TTPAL: variants seen among roughly 807,000 people sequenced by gnomAD.
TTPAL encodes alpha-tocopherol transfer protein-like.
A neutral mutation model predicts 28.7 loss-of-function variants in TTPAL; 21 were observed. That is an observed-to-expected ratio of 0.73 (90% CI 0.52 to 1.06). TTPAL has a LOEUF of 1.06. TTPAL is among the 50% of genes least tolerant of loss of function. TTPAL has a pLI of 0.00. For missense variants in TTPAL, 345 were observed against 425.5 expected, an observed-to-expected ratio of 0.81 and a Z score of 1.67; for synonymous variants, 169 against 171.9, an observed-to-expected ratio of 0.98 and a Z score of 0.13.
Position 44,489,639 on chromosome 20 carries a change from G to A in TTPAL, c.*98G>A. ...GTCCATGGATTCAGTCTTGCTCCTT[G>A]TAATTAAACTGCAGGATGGAGGAAC... On this transcript the variant is annotated 3_prime_UTR_variant, in exon 5 of 5. Transcript: ENST00000262605. The A allele has an allele frequency of 7.6e-7, 1 of 1,309,520 alleles. No individual in the cohort carries two copies. Among genetic ancestry groups the A allele is most frequent in the Non-Finnish European group, 1.0e-6 (1 of 974,796 alleles). The allele number at this position is 1,309,520 out of a possible 1,614,324, so 81.1% of individuals were successfully genotyped here. A position where few individuals can be genotyped will look rare whatever the true frequency, so the allele number is the denominator to read the frequency against.
At chr20:44,479,166 TTAAGA>T (rs571421099) in intron 1 of TTPAL, among the ~76,000 whole-genome samples, 111 of 152,336 alleles carry the variant, frequency 7.3e-4, no homozygotes, top group African/African-American at 2.5e-3. Context: ...TGATAGGCAG[TTAAGA>T]TGTTTCCAAT....
chr20:44,483,306 T>G (rs536022851), intron 2 of TTPAL, among the ~76,000 whole-genome samples: 1 of 152,170 alleles, frequency 6.6e-6, no homozygotes, highest in Non-Finnish European at 1.5e-5. Flanking sequence ...ACCACTGCTG[T>G]CCTCAACAGG....
At chr20:44,481,216 C>T (rs2064101959) in intron 2 of TTPAL, among the ~76,000 whole-genome samples, 2 of 152,088 alleles carry the variant, frequency 1.3e-5, no homozygotes, top group Admixed American at 6.6e-5. Context: ...TGGTGGTTTA[C>T]GAATGGGGGC....
chr20:44,482,867 T>G (rs1200188772), intron 2 of TTPAL, among the ~76,000 whole-genome samples: 2 of 151,048 alleles, frequency 1.3e-5, no homozygotes, highest in Non-Finnish European at 3.0e-5. Flanking sequence ...AAGACTCAGC[T>G]TTTTTTTTGA....
chr20:44,476,056 G>C (rs1249294060), intron 1 of TTPAL, 65 bp downstream of exon 1: 1 of 152,354 alleles, frequency 6.6e-6, no homozygotes, highest in East Asian at 1.9e-4. Context: ...GAGAGGGAAG[G>C]ATAACCGGAA....
intron 1 of TTPAL, chr20:44,478,681 T>C (rs940066250): frequency 3.9e-5 from 6 of 152,256 alleles, no homozygotes; most frequent in Non-Finnish European, 7.3e-5. Flanking sequence ...AGAAGTTTTG[T>C]GTGCATTCAC....
intron 1 of TTPAL, among the ~76,000 whole-genome samples, chr20:44,479,399 G>GTTTTTTTTTT (rs869123576): frequency 1.2e-5 from 1 of 81,564 alleles, no homozygotes; most frequent in Non-Finnish European, 2.5e-5. Flanking sequence ...AATCTGAGTT[G>GTTTTTTTTTT]TTTTTTTTTT....
At position 44,480,875 on chromosome 20, in the gene TTPAL, T is replaced by C. The variant is rs1487605082; in HGVS notation, c.445+431T>C. 6.6e-6 allele frequency among the ~76,000 whole-genome samples: 1 copy of C among 152,246 alleles called. No individual in the cohort carries two copies. The highest frequency in any genetic ancestry group is 1.5e-5 in the Non-Finnish European group (1 of 68,036). On this transcript the variant is annotated intron_variant, in intron 2 of 4. Coordinates refer to ENST00000262605, the MANE Select transcript of TTPAL (RefSeq NM_001039199.3). The surrounding 1 kb of genome is among the most constrained non-coding windows in gnomAD (Gnocchi z 4.1). ...CTGGCACCCTCTCAGCTCTCAGGTT[T>C]GCCTGACCACCAAATTAAGTTCCTC...
Position 44,486,638 on chromosome 20 carries a change from G to C in TTPAL, c.682G>C (p.Glu228Gln). Residue 228 changes from glutamate (E) to glutamine (Q), a missense_variant, in exon 4 of 5, where the codon GAA becomes CAA. Transcript: ENST00000262605. ...IRIKAVHVVN[E>Q]PRIFKGIFAI... ...GATAAAAGCAGTCCATGTGGTGAAT[G>C]AACCTCGAATATTTAAAGGCATTTT... 1.2e-6 allele frequency: 2 copies of C among 1,613,792 alleles called. No individual in the cohort carries two copies. Among genetic ancestry groups the C allele is most frequent in the Non-Finnish European group, 1.7e-6 (2 of 1,179,918 alleles).
At position 44,480,014 on chromosome 20, in the gene TTPAL, T is replaced by G; in HGVS notation, c.15T>G (p.Ser5Arg). Reference protein sequence around the residue: MSEESDSLRTSPSVA... With the variant: MSEERDSLRTSPSVA... ...CTTGGTAGCTAATGTCCGAAGAAAG[T>G]GACTCTCTGAGAACCAGCCCTTCTG... Residue 5 changes from serine (S) to arginine (R), a missense_variant, in exon 2 of 5, where the codon AGT becomes AGG. Coordinates refer to ENST00000262605, the MANE Select transcript of TTPAL (RefSeq NM_001039199.3). This position sits in a 1 kb window ranked among gnomAD's most constrained non-coding sequence, Gnocchi z 4.1. 6.2e-7 allele frequency: 1 copy of G among 1,613,080 alleles called. No individual in the cohort carries two copies. Among genetic ancestry groups the G allele is most frequent in the Non-Finnish European group, 8.5e-7 (1 of 1,179,246 alleles).
In TTPAL at chr20:44,492,578, G is replaced by GT. The variant is rs1375786812; in HGVS notation, c.*3044dup. The stretch of plus-strand genomic sequence containing the variant: ...GACACTGTACTCTCTCTTTTTAGAA[G>GT]TTTTTTTCCTTTTTTTTCCCCCTCA... On this transcript the variant is annotated 3_prime_UTR_variant, in exon 5 of 5. Coordinates refer to ENST00000262605, the MANE Select transcript of TTPAL (RefSeq NM_001039199.3). 1 of 151,996 alleles carries GT rather than the reference G, an allele frequency of 6.6e-6. No homozygotes were observed. The highest frequency in any genetic ancestry group is 1.5e-5 in the Non-Finnish European group (1 of 67,998). 9.4% of individuals were successfully genotyped at this position (151,996 alleles called of 1,614,324 possible).
intron 4 of TTPAL, 133 bp from the exon 5 acceptor site, chr20:44,489,130 G>C: frequency 2.0e-6 from 2 of 1,010,044 alleles, no homozygotes; most frequent in Admixed American, 2.8e-5. Flanking sequence ...GGCTGAAAAA[G>C]TAAGGGTAGA....
At chr20:44,477,080 A>G (rs981571005) in intron 1 of TTPAL, among the ~76,000 whole-genome samples, 1 of 152,238 alleles carries the variant, frequency 6.6e-6, no homozygotes, top group African/African-American at 2.4e-5. Context: ...AGAGTGTATC[A>G]GAAGTGCACG....
chr20:44,481,217 G>C (rs1226949618), intron 2 of TTPAL, among the ~76,000 whole-genome samples: 1 of 152,088 alleles, frequency 6.6e-6, no homozygotes, highest in Non-Finnish European at 1.5e-5. Flanking sequence ...GGTGGTTTAC[G>C]AATGGGGGCT....
chr20:44,484,260 G>C (rs916133634), intron 2 of TTPAL, 77 bp from the exon 3 acceptor site: 2 of 1,010,614 alleles, frequency 2.0e-6, no homozygotes, highest in African/African-American at 3.2e-5. Context: ...AACAGTGATA[G>C]AAAGGAGATA....
In TTPAL at chr20:44,491,198, C is replaced by T. The variant is rs1002267759; in HGVS notation, c.*1657C>T. ...CTCCCAGCCCCACTTGAGTTTCTCT[C>T]TCTGGTGTGGGTGAACCAGTCAGCC... On this transcript the variant is annotated 3_prime_UTR_variant, in exon 5 of 5. Coordinates refer to ENST00000262605, the MANE Select transcript of TTPAL (RefSeq NM_001039199.3). The T allele has an allele frequency of 6.7e-6, 1 of 149,678 alleles. No individual in the cohort carries two copies. Among genetic ancestry groups the T allele is most frequent in the African/African-American group, 2.5e-5 (1 of 40,742 alleles). The allele number at this position is 149,678 out of a possible 1,614,324, so 9.3% of individuals were successfully genotyped here.
At chr20:44,483,707 A>G (rs1475808282) in intron 2 of TTPAL, among the ~76,000 whole-genome samples, 1 of 152,202 alleles carries the variant, frequency 6.6e-6, no homozygotes, top group African/African-American at 2.4e-5. Context: ...TTATGAGGAC[A>G]TCGGGGCTCA....
rs954096033 is a variant in TTPAL at position 44,479,385 on chromosome 20, T to A, written c.-15-600T>A. Among the ~76,000 whole-genome samples the A allele has an allele frequency of 2.0e-5, 3 of 149,454 alleles. No individual in the cohort carries two copies. The East Asian group carries it at 5.9e-4, about 29-fold the overall frequency. On this transcript the variant is annotated intron_variant, in intron 1 of 4. Coordinates refer to ENST00000262605, the MANE Select transcript of TTPAL (RefSeq NM_001039199.3). ...ATTAGAGTACGTTTATTTTTGCCAATCTGAATCTGAGTTGTTTTTTTTTTT... is the reference window on the plus strand; with the variant it reads ...ATTAGAGTACGTTTATTTTTGCCAAACTGAATCTGAGTTGTTTTTTTTTTT...
At chr20:44,489,205 A>G in intron 4 of TTPAL, 58 bp from the exon 5 acceptor site, 2 of 1,544,594 alleles carry the variant, frequency 1.3e-6, no homozygotes, top group South Asian at 1.2e-5. Flanking sequence ...CATGGAGGAG[A>G]TTTCTGCATT....
Sources: gnomAD v4.1 joint callset for allele counts (sites outside exome capture counted in the v4.1 genomes callset) on GRCh38, gnomAD v4.1.1 for gene constraint, Gnocchi (gnomAD v3.1) non-coding constraint, MANE v1.5 for transcripts, NCBI Gene and HGNC (gene_info 2026-07-23, HGNC 2026-07-21) for gene names.